The following GMEB2 variants were observed in gnomAD, a reference collection of about 807,000 sequenced individuals.
GMEB2 encodes glucocorticoid modulatory element binding protein 2.
A neutral mutation model predicts 45.7 loss-of-function variants in GMEB2; 7 were observed. The observed-to-expected ratio is 0.15, with a 90% CI of 0.09 to 0.29. The LOEUF is 0.29. Ranked by LOEUF, GMEB2 falls within the 10% of genes least tolerant of loss-of-function variation. The pLI, the probability that GMEB2 is intolerant of heterozygous loss-of-function variation, is 1.00. For missense variants in GMEB2, 582 were observed against 739.2 expected (o/e 0.79, Z 2.47); for synonymous variants, 322 against 323.6 (o/e 1.00, Z 0.05).
chr20:63,621,613 G>T (rs2089642459), intron 1 of GMEB2, among the ~76,000 whole-genome samples: 1 of 134,162 alleles, frequency 7.5e-6, no homozygotes, highest in Non-Finnish European at 1.5e-5. Context: ...GTTGCAGTGA[G>T]CCGAGATCGT....
chr20:63,604,644 G>A, intron 3 of GMEB2, 99 bp downstream of exon 3: 1 of 780,076 alleles, frequency 1.3e-6, no homozygotes, highest in East Asian at 2.5e-5. Flanking sequence ...CCCGAACAAA[G>A]ACCTTGTATA....
In GMEB2 at chr20:63,619,251, C is replaced by T. The variant is rs202193423; in HGVS notation, c.131+16G>A. On this transcript the variant is annotated intron_variant, in intron 2 of 9. Coordinates refer to ENST00000370077, the MANE Select transcript of GMEB2 (RefSeq NM_012384.5). The surrounding 1 kb of genome is among the most constrained non-coding windows in gnomAD (Gnocchi z 4.6). ...AAGCCCCCATCAGCCCCAATGGCAC[C>T]GAGGCCCGAGCTTACCCGTGAGGGG... 1.1e-3 allele frequency: 1,816 copies of T among 1,599,018 alleles called. 2 individuals are homozygous for T. The highest frequency in any genetic ancestry group is 1.4e-3 in the Non-Finnish European group (1,686 of 1,174,212).
intron 3 of GMEB2, among the ~76,000 whole-genome samples, chr20:63,604,494 C>A (rs575984499): frequency 6.6e-6 from 1 of 152,312 alleles, no homozygotes; most frequent in East Asian, 1.9e-4. Context: ...GAGAGAGCTG[C>A]AAACTTGGGG....
Position 63,604,786 on chromosome 20 carries a change from G to A in GMEB2, c.186C>T (p.Ala62=), listed in dbSNP as rs748973187. The A allele has an allele frequency of 2.1e-5, 34 of 1,612,214 alleles. No individual in the cohort carries two copies. The highest frequency in any genetic ancestry group is 3.3e-4 in the Middle Eastern group (2 of 6,080). The change falls in exon 3 of 10, where the codon GCC becomes GCT. Residue 62 remains alanine, a synonymous_variant. Coordinates refer to ENST00000370077, the MANE Select transcript of GMEB2 (RefSeq NM_012384.5). ...GCTGGGAGGAGGCTGTGAAGGCCGC[G>A]GCAGCTGCTGCCGCTGCATTTTCTG... The part of the protein sequence containing the change: ...METENAAAAA[A]AAFTASSQLK...
At chr20:63,604,934 T>C (rs2089507130) in intron 2 of GMEB2, 94 bp from the exon 3 acceptor site, 2 of 768,642 alleles carry the variant, frequency 2.6e-6, no homozygotes, top group Non-Finnish European at 4.7e-6. Context: ...GCTGACCTGT[T>C]ACACTCTTCT....
chr20:63,619,244 A>G lies in GMEB2; in HGVS notation c.131+23T>C. ...CCAACCCAAGCCCCCATCAGCCCCA[A>G]TGGCACCGAGGCCCGAGCTTACCCG... On this transcript the variant is annotated intron_variant, in intron 2 of 9. Transcript: ENST00000370077. This position sits in a 1 kb window ranked among gnomAD's most constrained non-coding sequence, Gnocchi z 4.6. The G allele has an allele frequency of 6.3e-7, 1 of 1,591,418 alleles. No individual in the cohort carries two copies. Among genetic ancestry groups the G allele is most frequent in the East Asian group, 2.3e-5 (1 of 44,228 alleles).
In GMEB2 at chr20:63,595,535, AC is replaced by A. The variant is rs2083189023; in HGVS notation, c.619+74del. 2.2e-6 allele frequency: 3 copies of A among 1,392,548 alleles called. No individual in the cohort carries two copies. In the African/African-American group the frequency reaches 4.3e-5, roughly 20 times the overall value. The allele number at this position is 1,392,548 out of a possible 1,614,324, so 86.3% of individuals were successfully genotyped here. Reference sequence around the variant, plus strand: ...GCAAACGCCTGGGGCCAAGGAGGCCACCCAGGGGCATGTCACCCTCTGTGGC... The same window carrying A: ...GCAAACGCCTGGGGCCAAGGAGGCCACCAGGGGCATGTCACCCTCTGTGGC... On this transcript the variant is annotated intron_variant, in intron 6 of 9. Coordinates refer to ENST00000370077, the MANE Select transcript of GMEB2 (RefSeq NM_012384.5).
chr20:63,597,609 G>A lies in GMEB2; in HGVS notation c.461+148C>T, dbSNP rs559241610. ...GGGAGACGGGTTTACAGTTTTGGGT[G>A]TGAGCAGGTGCAGCAGCCACCCGGG... On this transcript the variant is annotated intron_variant, in intron 5 of 9. Transcript: ENST00000370077. 8 of 609,548 alleles carry A rather than the reference G, an allele frequency of 1.3e-5. No homozygotes were observed. The East Asian group carries it at 1.7e-4, about 13-fold the overall frequency. The allele number at this position is 609,548 out of a possible 1,614,324, so 37.8% of individuals were successfully genotyped here.
intron 1 of GMEB2, chr20:63,620,015 T>G (rs1444519936): frequency 2.6e-5 from 4 of 152,424 alleles, no homozygotes; most frequent in African/African-American, 9.6e-5. Flanking sequence ...TGGCACGACC[T>G]CGGCTCACTG....
Position 63,590,471 on chromosome 20 carries a change from G to A in GMEB2, c.1211C>T (p.Thr404Ile). 6.6e-7 allele frequency: 1 copy of A among 1,510,738 alleles called. No homozygotes were observed. The highest frequency in any genetic ancestry group is 1.3e-5 in the South Asian group (1 of 78,088). 93.6% of individuals were successfully genotyped at this position (1,510,738 alleles called of 1,614,324 possible). Residue 404 changes from threonine to isoleucine, a missense_variant, in exon 10 of 10, where the codon ACC (threonine) becomes ATC (isoleucine). Thr to Ile is a moderately conservative substitution (Grantham distance 89). This residue lies in a region of GMEB2 where 462 missense variants were observed against 586.7 expected (regional missense o/e 0.79). Coordinates refer to ENST00000370077, the MANE Select transcript of GMEB2 (RefSeq NM_012384.5). ...CTTGCCCAGGACGGTGGACGGCAGG[G>A]TGGACACCACTTTACCAAGGGGCAC... ...TSVPLGKVVSTLPSTVLGKGS... is the reference protein window; with the variant it reads ...TSVPLGKVVSILPSTVLGKGS...
At chr20:63,598,997 C>T (rs962773447) in intron 4 of GMEB2, among the ~76,000 whole-genome samples, 7 of 152,206 alleles carry the variant, frequency 4.6e-5, no homozygotes, top group South Asian at 4.1e-4. Context: ...ACCTTTGTTA[C>T]TCTTCTCACC....
chr20:63,594,645 C>T (rs567552123), intron 6 of GMEB2, among the ~76,000 whole-genome samples: 2 of 152,326 alleles, frequency 1.3e-5, no homozygotes, highest in South Asian at 2.1e-4. Flanking sequence ...GCCAGCAATG[C>T]GGAGTGGCAG....
Position 63,593,674 on chromosome 20 carries a change from T to C in GMEB2, c.620-592A>G, listed in dbSNP as rs1308630257. Among the ~76,000 whole-genome samples, 1 of 150,264 alleles carries C rather than the reference T, an allele frequency of 6.7e-6. No individual in the cohort carries two copies. The highest frequency in any genetic ancestry group is 1.5e-5 in the Non-Finnish European group (1 of 68,016). On this transcript the variant is annotated intron_variant, in intron 6 of 9. Coordinates refer to ENST00000370077, the MANE Select transcript of GMEB2 (RefSeq NM_012384.5). The surrounding 1 kb of genome is among the most constrained non-coding windows in gnomAD (Gnocchi z 4.7). ...AACACAACTGGGCGTGTCGTTCATA[T>C]GTGGCCATTTTGGGCGTTGCTGATA...
chr20:63,588,670 G>C lies in GMEB2; in HGVS notation c.*1419C>G. On this transcript the variant is annotated 3_prime_UTR_variant, in exon 10 of 10. Coordinates refer to ENST00000370077, the MANE Select transcript of GMEB2 (RefSeq NM_012384.5). ...ACGGACAGCCAGCCAGTTCCCTTCG[G>C]AGCAGTGAAGTGGGACACAGGACCC... 2.5e-6 allele frequency: 1 copy of C among 398,136 alleles called. No individual in the cohort carries two copies. Among genetic ancestry groups the C allele is most frequent in the Non-Finnish European group, 4.4e-6 (1 of 226,114 alleles). The allele number at this position is 398,136 out of a possible 1,614,324, so 24.7% of individuals were successfully genotyped here. A position where few individuals can be genotyped will look rare whatever the true frequency, so the allele number is the denominator to read the frequency against.
chr20:63,603,122 T>C (rs2083253530), intron 3 of GMEB2, 30 bp from the exon 4 acceptor site: 1 of 1,612,370 alleles, frequency 6.2e-7, no homozygotes, highest in Non-Finnish European at 8.5e-7. Context: ...CAGGGAAGGG[T>C]AAAAGCAGAA....
rs2297431 is a variant in GMEB2, at chr20:63,597,910, G to A, written c.358-50C>T. ...TCAAGCTTGGCCGGGACACCACATA[G>A]GGTGCCCCCATCTCCCATCCGACCC... On this transcript the variant is annotated intron_variant, in intron 4 of 9. Coordinates refer to ENST00000370077, the MANE Select transcript of GMEB2 (RefSeq NM_012384.5). 6 of 1,072,074 alleles carry A rather than the reference G, an allele frequency of 5.6e-6. No homozygotes were observed. The East Asian group carries it at 1.4e-4, about 25-fold the overall frequency. 66.4% of individuals were successfully genotyped at this position (1,072,074 alleles called of 1,614,324 possible).
At position 63,593,158 on chromosome 20, in the gene GMEB2, C is replaced by T. The variant is rs2083164798; in HGVS notation, c.620-76G>A. 2 of 819,250 alleles carry T rather than the reference C, an allele frequency of 2.4e-6. No individual in the cohort carries two copies. The highest frequency in any genetic ancestry group is 4.2e-6 in the Non-Finnish European group (2 of 474,980). The allele number at this position is 819,250 out of a possible 1,614,324, so 50.7% of individuals were successfully genotyped here. ...CACCCCACATACCCTGTCCACCCTC[C>T]TCACACCACCTTCTGAACCTTTCCA... is the stretch of plus-strand genomic sequence containing the variant. On this transcript the variant is annotated intron_variant, in intron 6 of 9. Transcript: ENST00000370077. This position sits in a 1 kb window ranked among gnomAD's most constrained non-coding sequence, Gnocchi z 4.7.
Position 63,595,650 on chromosome 20 carries a change from C to A in GMEB2, c.579G>T (p.Thr193=), listed in dbSNP as rs138580436. 1 of 1,613,422 alleles carries A rather than the reference C, an allele frequency of 6.2e-7. No homozygotes were observed. Among genetic ancestry groups the A allele is most frequent in the African/African-American group, 1.3e-5 (1 of 74,928 alleles). The change falls in exon 6 of 10, where the codon ACG becomes ACT. Residue 193 remains threonine, a synonymous_variant. Coordinates refer to ENST00000370077, the MANE Select transcript of GMEB2 (RefSeq NM_012384.5). ...GCGTGAGGGGAATGTACTCGGCCGA[C>A]GTGGGGCTGCTCAGGGACACACGGG... ...SGARVSLSSP[T]SAEYIPLTPA... is the part of the protein sequence containing the mutation.
In GMEB2 at chr20:63,592,799, TG is replaced by T; in HGVS notation, c.692-130del. 1 of 864,648 alleles carries T rather than the reference TG, an allele frequency of 1.2e-6. No individual in the cohort carries two copies. The allele number at this position is 864,648 out of a possible 1,614,324, so 53.6% of individuals were successfully genotyped here. On this transcript the variant is annotated intron_variant, in intron 7 of 9. Transcript: ENST00000370077. This position sits in a 1 kb window ranked among gnomAD's most constrained non-coding sequence, Gnocchi z 8.2. Reference sequence around the variant, plus strand: ...GAGCCGGCAGCGCCTGGCACTGTGCTGGGCTTGCACTGCCCAGACACATCCA... The same window carrying T: ...GAGCCGGCAGCGCCTGGCACTGTGCTGGCTTGCACTGCCCAGACACATCCA...
Sources: gnomAD v4.1 joint callset for allele counts (sites outside exome capture counted in the v4.1 genomes callset) on GRCh38, gnomAD v4.1.1 for gene constraint, gnomAD v4.1.1 regional missense constraint, Gnocchi (gnomAD v3.1) non-coding constraint, MANE v1.5 for transcripts, NCBI Gene and HGNC (gene_info 2026-07-23, HGNC 2026-07-21) for gene names.